Variants in PTPRD observed in about 807,000 individuals in gnomAD.
PTPRD encodes the protein protein tyrosine phosphatase receptor type D, also known as receptor-type tyrosine-protein phosphatase delta.
In PTPRD, 34 loss-of-function variants were observed where a neutral mutation model predicts 214.5. That is an observed-to-expected ratio of 0.16 (90% CI 0.12 to 0.21). PTPRD has a LOEUF of 0.21. Among genes scored for constraint, PTPRD ranks in the 10% least tolerant of loss-of-function variants. The pLI is 1.00. For synonymous variants in PTPRD, 1,128 were observed against 845.7 expected, an observed-to-expected ratio of 1.33 and a Z score of -5.79; for missense variants, 2,545 against 2,398.7, an observed-to-expected ratio of 1.06 and a Z score of -1.27.
intron 2 of PTPRD, among the ~76,000 whole-genome samples, chr9:10,515,330 T>C (rs953859326): frequency 6.6e-6 from 1 of 151,968 alleles, no homozygotes; most frequent in African/African-American, 2.4e-5. Flanking sequence ...ATACTGAAGT[T>C]GCTGGATATC....
chr9:9,229,785 G>A (rs1157796005), intron 9 of PTPRD, among the ~76,000 whole-genome samples: 2 of 152,088 alleles, frequency 1.3e-5, no homozygotes, highest in African/African-American at 4.8e-5. Flanking sequence ...CTATAGAATT[G>A]AAGAGCAGGC....
intron 14 of PTPRD, among the ~76,000 whole-genome samples, chr9:8,567,980 T>C (rs1246328828): frequency 1.3e-5 from 2 of 152,166 alleles, no homozygotes; most frequent in Admixed American, 6.6e-5. Flanking sequence ...AATGAGACCT[T>C]ATTTTCACGG....
At chr9:9,636,400 G>C (rs976895285) in intron 7 of PTPRD, among the ~76,000 whole-genome samples, 2 of 152,100 alleles carry the variant, frequency 1.3e-5, no homozygotes, top group Non-Finnish European at 2.9e-5. Context: ...AATTACTTTA[G>C]ATCAAACATA....
At chr9:10,146,576 AAT>A (rs1280979738) in intron 3 of PTPRD, among the ~76,000 whole-genome samples, 1 of 152,148 alleles carries the variant, frequency 6.6e-6, no homozygotes, top group Admixed American at 6.6e-5. Context: ...CTAGAAAATA[AAT>A]AGTCTTGAAA....
chr9:9,684,353 T>G (rs1426162455), intron 7 of PTPRD, among the ~76,000 whole-genome samples: 2 of 151,664 alleles, frequency 1.3e-5, no homozygotes, highest in Non-Finnish European at 3.0e-5. Flanking sequence ...CCTATCAATG[T>G]TGGGTGCATT....
At chr9:8,401,190 G>C (rs2092337922) in intron 36 of PTPRD, among the ~76,000 whole-genome samples, 1 of 150,270 alleles carries the variant, frequency 6.7e-6, no homozygotes. Flanking sequence ...TTCCAGATGG[G>C]GTCTGGTTCT....
intron 9 of PTPRD, among the ~76,000 whole-genome samples, chr9:9,208,686 A>G (rs896914504): frequency 2.0e-4 from 31 of 152,186 alleles, no homozygotes; most frequent in Admixed American, 1.6e-3. Context: ...GAAAGAAATA[A>G]AGAAGATACG....
chr9:10,240,777 C>A (rs570972519), intron 3 of PTPRD, among the ~76,000 whole-genome samples: 79 of 151,748 alleles, frequency 5.2e-4, no homozygotes, highest in African/African-American at 1.9e-3. Context: ...GGATTAAATC[C>A]TAGTGGCATT....
intron 9 of PTPRD, among the ~76,000 whole-genome samples, chr9:9,393,295 G>C (rs2066540844): frequency 6.6e-6 from 1 of 152,080 alleles, no homozygotes; most frequent in Non-Finnish European, 1.5e-5. Flanking sequence ...TTGACCAATG[G>C]GACATTAGCA....
intron 11 of PTPRD, among the ~76,000 whole-genome samples, chr9:8,746,624 G>A (rs912643162): frequency 2.6e-5 from 4 of 152,108 alleles, no homozygotes; most frequent in East Asian, 1.9e-4. Context: ...AAACTTTCTA[G>A]AAACCAATTG....
intron 4 of PTPRD, among the ~76,000 whole-genome samples, chr9:9,998,125 A>ATATATATATATATATAT (rs1286206158): frequency 1.6e-4 from 8 of 48,550 alleles, no homozygotes; most frequent in African/African-American, 7.6e-4. Flanking sequence ...TAAAAAAAAA[A>ATATATATATATATATAT]AAAAATATAT....
intron 9 of PTPRD, among the ~76,000 whole-genome samples, chr9:9,393,203 G>GCGA (rs58328162): frequency 0.26 from 40,100 of 152,020 alleles, 5,422 homozygotes; most frequent in Middle Eastern, 0.3. Flanking sequence ...AACATCTGGT[G>GCGA]TGATAGACTG....
chr9:10,345,095 T>C lies in PTPRD; in HGVS notation c.-599-4078A>G, dbSNP rs373818057. Among the ~76,000 whole-genome samples, 7 of 152,280 alleles carry C rather than the reference T, an allele frequency of 4.6e-5. No individual in the cohort carries two copies. The East Asian group carries it at 1.2e-3, about 25-fold the overall frequency. On this transcript the variant is annotated intron_variant, in intron 2 of 45. Transcript: ENST00000381196. Reference sequence around the variant, plus strand: ...AAGACTTATCTTTTTGGTATGCTGATGAATTCCAATCACCCACCATTGCAT... The same window carrying C: ...AAGACTTATCTTTTTGGTATGCTGACGAATTCCAATCACCCACCATTGCAT...
intron 35 of PTPRD, 122 bp downstream of exon 35, chr9:8,436,470 A>T: frequency 1.5e-6 from 1 of 677,090 alleles, no homozygotes; most frequent in Non-Finnish European, 2.4e-6. Context: ...ATACATTTTT[A>T]TATCATATTT....
At chr9:8,559,725 A>T (rs2085409982) in intron 14 of PTPRD, among the ~76,000 whole-genome samples, 1 of 152,240 alleles carries the variant, frequency 6.6e-6, no homozygotes, top group Non-Finnish European at 1.5e-5. Flanking sequence ...TCACCTTTCA[A>T]ACTGACACCT....
At chr9:10,169,240 C>T (rs373796929) in intron 3 of PTPRD, among the ~76,000 whole-genome samples, 1 of 151,470 alleles carries the variant, frequency 6.6e-6, no homozygotes, top group Non-Finnish European at 1.5e-5. Flanking sequence ...TTTGGGAGGC[C>T]GAGGCAGGCG....
intron 9 of PTPRD, among the ~76,000 whole-genome samples, chr9:9,202,048 G>A (rs146037795): frequency 6.6e-6 from 1 of 152,170 alleles, no homozygotes; most frequent in African/African-American, 2.4e-5. Flanking sequence ...GTTTCAACCG[G>A]AAGATAAGAA....
At chr9:10,595,337 C>T (rs2076371840) in intron 2 of PTPRD, among the ~76,000 whole-genome samples, 1 of 151,770 alleles carries the variant, frequency 6.6e-6, no homozygotes, top group South Asian at 2.1e-4. Flanking sequence ...CAATTTACAA[C>T]TAATTGAATA....
At position 9,678,124 on chromosome 9, in the gene PTPRD, G is replaced by A. The variant is rs536569333; in HGVS notation, c.-287+56409C>T. ...CTCATGGGTAGGAAGAATCAATATC[G>A]TGAAAATGGCCATACTGCCCAAGGT... On this transcript the variant is annotated intron_variant, in intron 7 of 45. Transcript: ENST00000381196. Among the ~76,000 whole-genome samples, 4 of 152,106 alleles carry A rather than the reference G, an allele frequency of 2.6e-5. No individual in the cohort carries two copies. In the South Asian group the frequency reaches 6.2e-4, roughly 24 times the overall value.
Sources: allele counts gnomAD v4.1 joint callset (sites outside exome capture counted in the v4.1 genomes callset), GRCh38; gene constraint gnomAD v4.1.1; transcripts MANE v1.5; gene names NCBI Gene and HGNC (gene_info 2026-07-23, HGNC 2026-07-21).